Variants in FARS2 observed in about 807,000 individuals in gnomAD.
The protein encoded by FARS2 is phenylalanyl-tRNA synthetase 2, mitochondrial.
A neutral mutation model predicts 46.4 loss-of-function variants in FARS2; 40 were observed. The ratio of observed to expected loss-of-function variants is 0.86; its 90% CI spans 0.67 to 1.12. FARS2 has a LOEUF of 1.12. Ranked by LOEUF, FARS2 falls within the 50% of genes most tolerant of loss-of-function variation. The pLI is 0.00. For synonymous variants in FARS2, 234 were observed against 214.9 expected, an observed-to-expected ratio of 1.09 and a Z score of -0.78; for missense variants, 513 against 567.9, an observed-to-expected ratio of 0.90 and a Z score of 0.98.
chr6:5,690,293 C>T lies in FARS2; in HGVS notation c.1217+76973C>T, dbSNP rs193209290. ...AGTTGATGCCGTTTCTTCCTAGCCT[C>T]GATGGTCTTTACAATTTGGCATGAT... On this transcript the variant is annotated intron_variant, in intron 6 of 6. Coordinates refer to ENST00000274680, the MANE Select transcript of FARS2 (RefSeq NM_006567.5). 1.7e-4 allele frequency among the ~76,000 whole-genome samples: 26 copies of T among 152,268 alleles called. No homozygotes were observed. The East Asian group carries it at 2.5e-3, about 15-fold the overall frequency.
intron 1 of FARS2, among the ~76,000 whole-genome samples, chr6:5,316,547 A>C (rs530828986): frequency 6.6e-6 from 1 of 152,230 alleles, no homozygotes; most frequent in Admixed American, 6.5e-5. Context: ...ACCTGGAATG[A>C]CAGGTGACCG....
chr6:5,474,688 T>C lies in FARS2; in HGVS notation c.904+43516T>C, dbSNP rs186270057. On this transcript the variant is annotated intron_variant, in intron 4 of 6. Transcript: ENST00000274680. ...GTTTTTTTTTTTTTTTTTGAGACAG[T>C]CTCACTCTGTCGCCCCGGCTGGAGT... Among the ~76,000 whole-genome samples, 635 of 124,116 alleles carry C rather than the reference T, an allele frequency of 5.1e-3. 7 individuals are homozygous for C. Among genetic ancestry groups the C allele is most frequent in the African/African-American group, 0.017 (611 of 35,246 alleles). 81.4% of individuals were successfully genotyped at this position (124,116 alleles called of 152,430 possible).
At chr6:5,415,866 C>T (rs1000069792) in intron 3 of FARS2, among the ~76,000 whole-genome samples, 1 of 152,150 alleles carries the variant, frequency 6.6e-6, no homozygotes, top group Non-Finnish European at 1.5e-5. Flanking sequence ...ATCACAATGC[C>T]AGTTAATTTT....
chr6:5,317,147 C>T (rs1178232613), intron 1 of FARS2, among the ~76,000 whole-genome samples: 1 of 152,162 alleles, frequency 6.6e-6, no homozygotes, highest in African/African-American at 2.4e-5. Context: ...TTTTAGCCTC[C>T]GGCATCTACA....
At chr6:5,379,083 A>G (rs1759583139) in intron 2 of FARS2, among the ~76,000 whole-genome samples, 1 of 152,186 alleles carries the variant, frequency 6.6e-6, no homozygotes. Context: ...GGCTTTCAGC[A>G]ACTCACTGCC....
At chr6:5,255,883 A>G in the FARS2 span, among the ~76,000 whole-genome samples, 43,660 of 152,130 alleles carry the variant, frequency 0.29, 7,903 homozygotes, top group African/African-American at 0.51. Flanking sequence ...GATGAGAACT[A>G]CTAACCTAAA....
chr6:5,432,338 A>ATAT (rs1365233874), intron 4 of FARS2, among the ~76,000 whole-genome samples: 2 of 42,098 alleles, frequency 4.8e-5, no homozygotes, highest in Admixed American at 7.0e-4. Flanking sequence ...ATATATATAT[A>ATAT]TATATATATA....
At chr6:5,326,020 AT>A (rs1770352772) in intron 1 of FARS2, among the ~76,000 whole-genome samples, 1 of 152,212 alleles carries the variant, frequency 6.6e-6, no homozygotes, top group Non-Finnish European at 1.5e-5. Flanking sequence ...TAATGGGGGC[AT>A]TTATAGGGAC....
intron 6 of FARS2, among the ~76,000 whole-genome samples, chr6:5,614,834 G>C (rs78625298): frequency 0.015 from 2,217 of 152,266 alleles, 57 homozygotes; most frequent in African/African-American, 0.051. Flanking sequence ...ACAACTTGTG[G>C]AAACAATAGT....
At chr6:5,544,066 A>G (rs1770801515) in intron 4 of FARS2, among the ~76,000 whole-genome samples, 1 of 152,084 alleles carries the variant, frequency 6.6e-6, no homozygotes, top group Non-Finnish European at 1.5e-5. Flanking sequence ...CTGGGGTGCT[A>G]TCATCAGCTC....
intron 6 of FARS2, among the ~76,000 whole-genome samples, chr6:5,622,251 A>G (rs1471747692): frequency 6.6e-6 from 1 of 152,124 alleles, no homozygotes; most frequent in African/African-American, 2.4e-5. Context: ...GATTTTTTAC[A>G]CCGCCTTCCT....
At chr6:5,546,276 A>G (rs1486726952) in intron 5 of FARS2, among the ~76,000 whole-genome samples, 1 of 103,398 alleles carries the variant, frequency 9.7e-6, no homozygotes, top group South Asian at 3.0e-4. Flanking sequence ...TTTTTTTTTT[A>G]GACAGAATCT....
intron 1 of FARS2, among the ~76,000 whole-genome samples, chr6:5,361,177 C>T (rs1035899127): frequency 5.9e-5 from 9 of 152,116 alleles, no homozygotes; most frequent in East Asian, 3.9e-4. Context: ...AAGATCATAT[C>T]GTACATACAA....
rs186664298 is a variant in FARS2 at position 5,513,228 on chromosome 6, G to C, written c.905-31952G>C. Among the ~76,000 whole-genome samples the C allele has an allele frequency of 1.4e-4, 22 of 152,312 alleles. No individual in the cohort carries two copies. In the East Asian group the frequency reaches 3.5e-3, roughly 24 times the overall value. ...CAGGTGAGGGAGGGAATGGAGTTCA[G>C]ATAGTCAGGAACCTTGTGAACAGCG... On this transcript the variant is annotated intron_variant, in intron 4 of 6. Transcript: ENST00000274680.
intron 3 of FARS2, among the ~76,000 whole-genome samples, chr6:5,418,000 T>C (rs2127744055): frequency 6.6e-6 from 1 of 152,306 alleles, no homozygotes; most frequent in Admixed American, 6.5e-5. Flanking sequence ...CAGTGTCTAA[T>C]TTTCTGTTAA....
intron 1 of FARS2, among the ~76,000 whole-genome samples, chr6:5,274,033 T>A (rs72813697): frequency 0.12 from 18,251 of 152,246 alleles, 1,379 homozygotes; most frequent in Non-Finnish European, 0.16. Context: ...AATTAAACTT[T>A]ATCATAGATA....
At chr6:5,396,694 C>T (rs938883056) in intron 2 of FARS2, among the ~76,000 whole-genome samples, 3 of 152,158 alleles carry the variant, frequency 2.0e-5, no homozygotes, top group Non-Finnish European at 4.4e-5. Flanking sequence ...AACTGAGCGC[C>T]AGGAGCAGTG....
At chr6:5,701,634 G>C (rs999259601) in intron 6 of FARS2, among the ~76,000 whole-genome samples, 3 of 152,156 alleles carry the variant, frequency 2.0e-5, no homozygotes, top group African/African-American at 7.2e-5. Flanking sequence ...GTGCTGGCAG[G>C]ACTTTTGTTT....
intron 6 of FARS2, among the ~76,000 whole-genome samples, chr6:5,672,278 T>C (rs1021006117): frequency 1.3e-5 from 2 of 152,144 alleles, no homozygotes; most frequent in Admixed American, 6.5e-5. Flanking sequence ...CCTAAGACTC[T>C]ATCCAGGACA....
Sources: gnomAD v4.1 joint callset for allele counts (sites outside exome capture counted in the v4.1 genomes callset) on GRCh38, gnomAD v4.1.1 for gene constraint, MANE v1.5 for transcripts, NCBI Gene and HGNC (gene_info 2026-07-23, HGNC 2026-07-21) for gene names.